Variants in HIVEP1 observed in about 807,000 individuals in gnomAD.
The protein encoded by HIVEP1 is zinc finger protein 40.
HIVEP1 carries 36 observed loss-of-function variants against 180.0 expected under a neutral mutation model. The observed-to-expected ratio is 0.20, with a 90% CI of 0.15 to 0.26. The LOEUF (loss-of-function observed/expected upper bound fraction) is 0.26, where lower values mean the gene tolerates loss of function less well. HIVEP1 is among the 10% of genes least tolerant of loss of function. The pLI, the probability that HIVEP1 is intolerant of heterozygous loss-of-function variation, is 1.00. For synonymous variants in HIVEP1, 1,239 were observed against 1,239.0 expected (o/e 1.00, Z 0.00); for missense variants, 3,143 against 3,268.7 (o/e 0.96, Z 0.94).
chr6:12,104,425 CT>C (rs70981665), intron 3 of HIVEP1, among the ~76,000 whole-genome samples: 97 of 72,762 alleles, frequency 1.3e-3, no homozygotes, highest in African/African-American at 2.4e-3. Context: ...CTTTTCTTTC[CT>C]TTTTTTTTTT....
chr6:12,028,137 C>T (rs192743717), intron 2 of HIVEP1, among the ~76,000 whole-genome samples: 105 of 151,564 alleles, frequency 6.9e-4, no homozygotes, highest in African/African-American at 2.4e-3. Context: ...GTATGAGAAT[C>T]GGTAACTGTT....
chr6:12,194,221 A>G, the HIVEP1 span, among the ~76,000 whole-genome samples: 1 of 152,248 alleles, frequency 6.6e-6, no homozygotes, highest in Non-Finnish European at 1.5e-5. Context: ...ATTTACTTGT[A>G]TAATGTGACT....
At chr6:12,170,449 A>G in the HIVEP1 span, among the ~76,000 whole-genome samples, 2 of 152,148 alleles carry the variant, frequency 1.3e-5, no homozygotes, top group Non-Finnish European at 2.9e-5. Flanking sequence ...CTATAATCTT[A>G]TGTAATCATT....
At chr6:12,185,440 G>A in the HIVEP1 span, among the ~76,000 whole-genome samples, 10 of 152,316 alleles carry the variant, frequency 6.6e-5, no homozygotes, top group South Asian at 1.2e-3. Context: ...TGGCAGAGAA[G>A]GGCTATAAGA....
downstream of HIVEP1, among the ~76,000 whole-genome samples, chr6:12,167,243 CATT>C (rs1562023202): frequency 1.3e-5 from 2 of 151,818 alleles, no homozygotes; most frequent in Non-Finnish European, 2.9e-5. Flanking sequence ...GGAAAATAAT[CATT>C]ATTTTTGTTG....
chr6:12,048,138 T>G (rs1035884610), intron 2 of HIVEP1, among the ~76,000 whole-genome samples: 2 of 152,224 alleles, frequency 1.3e-5, no homozygotes, highest in Admixed American at 6.5e-5. Context: ...GCATCTCCAT[T>G]TCAGCCAGTT....
chr6:12,071,987 A>G (rs919820121), intron 2 of HIVEP1, among the ~76,000 whole-genome samples: 8 of 152,290 alleles, frequency 5.3e-5, no homozygotes, highest in Non-Finnish European at 5.9e-5. Context: ...CTTCTTATAA[A>G]TTGGGATTTG....
intron 7 of HIVEP1, among the ~76,000 whole-genome samples, chr6:12,152,031 C>T (rs1759736060): frequency 6.6e-6 from 1 of 152,152 alleles, no homozygotes; most frequent in Non-Finnish European, 1.5e-5. Context: ...TGGCGGGCAC[C>T]TGTAATCCCA....
the HIVEP1 span, among the ~76,000 whole-genome samples, chr6:12,187,431 C>T: frequency 6.6e-6 from 1 of 151,992 alleles, no homozygotes; most frequent in African/African-American, 2.4e-5. Context: ...GAGCCTGGCA[C>T]CTCACCCATC....
At chr6:12,036,554 G>GT (rs1428671528) in intron 2 of HIVEP1, among the ~76,000 whole-genome samples, 1 of 152,208 alleles carries the variant, frequency 6.6e-6, no homozygotes, top group Non-Finnish European at 1.5e-5. Context: ...AGCCCCTTGG[G>GT]TGATCTCTGT....
chr6:12,161,397 T>C (rs1760385970), intron 7 of HIVEP1, 42 bp from the exon 8 acceptor site: 2 of 1,565,350 alleles, frequency 1.3e-6, no homozygotes, highest in Non-Finnish European at 1.7e-6. Flanking sequence ...CTTGTGCACT[T>C]GGAAAGCATT....
chr6:12,038,564 T>C (rs777053420), intron 2 of HIVEP1: 1 of 152,346 alleles, frequency 6.6e-6, no homozygotes, highest in African/African-American at 2.4e-5. Flanking sequence ...CCCAGCTACT[T>C]GGGAGGCTGA....
chr6:12,107,107 A>C (rs1265935700), intron 3 of HIVEP1, among the ~76,000 whole-genome samples: 1 of 152,224 alleles, frequency 6.6e-6, no homozygotes, highest in Non-Finnish European at 1.5e-5. Context: ...CACTGTACCT[A>C]GTGCTCCTTG....
the HIVEP1 span, among the ~76,000 whole-genome samples, chr6:12,184,500 A>G: frequency 6.6e-6 from 1 of 152,208 alleles, no homozygotes; most frequent in Non-Finnish European, 1.5e-5. Flanking sequence ...CCATTGATTA[A>G]TGTGGCATTC....
At chr6:12,133,528 A>G (rs115871824) in intron 6 of HIVEP1, among the ~76,000 whole-genome samples, 1,916 of 152,320 alleles carry the variant, frequency 0.013, 41 homozygotes, top group African/African-American at 0.043. Context: ...ATTTTTGTTT[A>G]TTTTACATTA....
downstream of HIVEP1, among the ~76,000 whole-genome samples, chr6:12,167,217 A>C (rs896649535): frequency 2.0e-5 from 3 of 152,078 alleles, no homozygotes; most frequent in Non-Finnish European, 4.4e-5. Flanking sequence ...AAATGATAGC[A>C]GTTAATAAGG....
chr6:12,079,889 T>G (rs1772651660), intron 2 of HIVEP1, among the ~76,000 whole-genome samples: 1 of 152,180 alleles, frequency 6.6e-6, no homozygotes. Flanking sequence ...GGATGTTGAT[T>G]ATTTTCACAT....
In HIVEP1 at chr6:12,122,090, T is replaced by C; in HGVS notation, c.2295T>C (p.Asp765=). 1.2e-6 allele frequency: 2 copies of C among 1,614,196 alleles called. No individual in the cohort carries two copies. The highest frequency in any genetic ancestry group is 1.7e-6 in the Non-Finnish European group (2 of 1,180,020). ...CTTTGGTAGATGACAAGCAACTGGA[T>C]AGTGTGAAGCCGCGGAGAACCTCAC... The part of the protein sequence containing the change: ...NEALVDDKQL[D]SVKPRRTSLS... Residue 765 remains aspartate (D), a synonymous_variant, in exon 4 of 9, where the codon GAT becomes GAC. Transcript: ENST00000379388.
At chr6:12,169,840 G>A (rs532352906), downstream of HIVEP1, among the ~76,000 whole-genome samples, 1 of 152,128 alleles carries the variant, frequency 6.6e-6, no homozygotes, top group South Asian at 2.1e-4. Flanking sequence ...AGCACCAATA[G>A]TGTAGAAAGC....
Sources: allele counts gnomAD v4.1 joint callset (sites outside exome capture counted in the v4.1 genomes callset), GRCh38; gene constraint gnomAD v4.1.1; transcripts MANE v1.5; gene names NCBI Gene and HGNC (gene_info 2026-07-23, HGNC 2026-07-21).